Variants in FLG2 observed in about 807,000 individuals in gnomAD.
The protein encoded by FLG2 is filaggrin 2.
FLG2 carries 7 observed loss-of-function variants against 3.9 expected under a neutral mutation model. The observed-to-expected ratio is 1.79, with a 90% CI of 1.02 to 3.36. The LOEUF (loss-of-function observed/expected upper bound fraction) is 3.36. FLG2 is among the 30% of genes most tolerant of loss of function. The pLI, the probability that FLG2 is intolerant of heterozygous loss-of-function variation, is 0.00. For missense variants in FLG2, 2,700 were observed against 2,809.4 expected (o/e 0.96, Z 0.88); for synonymous variants, 1,031 against 1,056.1 (o/e 0.98, Z 0.46).
Position 152,357,661 on chromosome 1 carries a change from A to G in FLG2, c.139-14T>C, listed in dbSNP as rs1383203520. On this transcript the variant is annotated splice_polypyrimidine_tract_variant and intron_variant, in intron 2 of 2. Coordinates refer to ENST00000388718, the MANE Select transcript of FLG2 (RefSeq NM_001014342.3). The stretch of plus-strand genomic sequence containing the variant: ...ATCATCTGGGTTCTGTATATGAGTG[A>G]CACACCAAGGGAGACCTGGTCAGCC... The G allele has an allele frequency of 1.9e-6, 3 of 1,598,612 alleles. No individual in the cohort carries two copies. The highest frequency in any genetic ancestry group is 2.6e-6 in the Non-Finnish European group (3 of 1,170,604).
chr1:152,352,665 G>T lies in FLG2; in HGVS notation c.5121C>A (p.His1707Gln), dbSNP rs1376228145. 1.2e-6 allele frequency: 2 copies of T among 1,613,294 alleles called. No individual in the cohort carries two copies. The highest frequency in any genetic ancestry group is 2.2e-5 in the South Asian group (2 of 91,036). ...GQTGDTTRHA[H>Q]YHHGLTTQTG... is the part of the protein sequence containing the mutation. Reference sequence around the variant, plus strand: ...TCTGTGTGGTTAATCCATGATGATAGTGGGCATGTCTAGTGGTATCTCCTG... The same window carrying T: ...TCTGTGTGGTTAATCCATGATGATATTGGGCATGTCTAGTGGTATCTCCTG... Residue 1707 changes from histidine to glutamine, a missense_variant, in exon 3 of 3, where the codon CAC becomes CAA. By Grantham distance (24) the His-to-Gln change is conservative (BLOSUM62 0). Coordinates refer to ENST00000388718, the MANE Select transcript of FLG2 (RefSeq NM_001014342.3).
chr1:152,359,084 CT>C (rs1192032484), intron 1 of FLG2, among the ~76,000 whole-genome samples, 178 bp from the exon 2 acceptor site: 1 of 152,118 alleles, frequency 6.6e-6, no homozygotes, highest in African/African-American at 2.4e-5. Context: ...ACTTTGTTAA[CT>C]TTGAGTTACT....
At position 152,352,190 on chromosome 1, in the gene FLG2, T is replaced by C. The variant is rs1653967411; in HGVS notation, c.5596A>G (p.Thr1866Ala). 2 of 1,614,002 alleles carry C rather than the reference T, an allele frequency of 1.2e-6. No individual in the cohort carries two copies. Among genetic ancestry groups the C allele is most frequent in the Non-Finnish European group, 1.7e-6 (2 of 1,179,978 alleles). ...CCAGTTGTACTGGATCCTGACTGTGTGGACTGTCCATGACCAGATTGAGAA... is the reference window on the plus strand; with the variant it reads ...CCAGTTGTACTGGATCCTGACTGTGCGGACTGTCCATGACCAGATTGAGAA... ...GHSQSGHGQS[T>A]QSGSSTTGRR... The change falls in exon 3 of 3, where the codon ACA (threonine) becomes GCA (alanine). Residue 1866 changes from threonine (T) to alanine (A), a missense_variant. Thr to Ala is a moderately conservative substitution (Grantham distance 58). Coordinates refer to ENST00000388718, the MANE Select transcript of FLG2 (RefSeq NM_001014342.3).
rs183397787 is a variant in FLG2 at position 152,350,812 on chromosome 1, G to A, written c.6974C>T (p.Ala2325Val). 1.2e-6 allele frequency: 2 copies of A among 1,614,030 alleles called. No homozygotes were observed. The highest frequency in any genetic ancestry group is 1.7e-5 in the Admixed American group (1 of 59,998). The change falls in exon 3 of 3, where the codon GCA (alanine) becomes GTA (valine). Residue 2325 changes from alanine (A) to valine (V), a missense_variant. Physicochemically the swap from Ala to Val is moderately conservative, Grantham distance 64. Coordinates refer to ENST00000388718, the MANE Select transcript of FLG2 (RefSeq NM_001014342.3). ...ACTACTATGTGACTGAAAATGACTT[G>A]CTCTACTAGATCTGGAACCTGTCTG... The part of the protein sequence containing the change: ...STQTGSRSSR[A>V]SHFQSHSSER...
Position 152,353,382 on chromosome 1 carries a change from A to C in FLG2, c.4404T>G (p.Thr1468=). The change falls in exon 3 of 3, where the codon ACT becomes ACG. Residue 1468 remains threonine, a synonymous_variant. Coordinates refer to ENST00000388718, the MANE Select transcript of FLG2 (RefSeq NM_001014342.3). The stretch of plus-strand genomic sequence containing the variant: ...TAGTGGTATCTCCTGTCTGTCCATG[A>C]GTAGTTCCGTGTCTCCCATGAACTG... ...GSTVHGRHGT[T]HGQTGDTTRH... 1 of 1,612,448 alleles carries C rather than the reference A, an allele frequency of 6.2e-7. No individual in the cohort carries two copies. Among genetic ancestry groups the C allele is most frequent in the Non-Finnish European group, 8.5e-7 (1 of 1,179,746 alleles).
In FLG2 at chr1:152,353,848, G is replaced by T. The variant is rs1557897083; in HGVS notation, c.3938C>A (p.Thr1313Asn). The change falls in exon 3 of 3, where the codon ACT becomes AAT. Residue 1313 changes from threonine (T) to asparagine (N), a missense_variant. Transcript: ENST00000388718. ...GGTATCTCCTCTCTGTCCATGAGTAGTTCCTTGTCTTCTGCGAACTGTGGA... is the reference window on the plus strand; with the variant it reads ...GGTATCTCCTCTCTGTCCATGAGTATTTCCTTGTCTTCTGCGAACTGTGGA... ...SGSTVRRRQG[T>N]THGQRGDTTR... 3 of 1,614,052 alleles carry T rather than the reference G, an allele frequency of 1.9e-6. No individual in the cohort carries two copies. The highest frequency in any genetic ancestry group is 2.5e-6 in the Non-Finnish European group (3 of 1,179,906).
rs906932222 is a variant in FLG2 at position 152,354,947 on chromosome 1, C to T, written c.2839G>A (p.Gly947Arg). Residue 947 changes from glycine to arginine, a missense_variant, in exon 3 of 3, where the codon GGA (glycine) becomes AGA (arginine). Gly to Arg is a moderately radical substitution (Grantham distance 125, BLOSUM62 -2). Transcript: ENST00000388718. ...GAGCCTGACCTGTGTTGTCCAAATC[C>T]AAAAGTCTGTCCTGAACTTGACCCA... ...QHGSSSGQTFGFGQHRSGSGQ... is the reference protein window; with the variant it reads ...QHGSSSGQTFRFGQHRSGSGQ... 1 of 1,612,348 alleles carries T rather than the reference C, an allele frequency of 6.2e-7. No individual in the cohort carries two copies. The highest frequency in any genetic ancestry group is 2.2e-5 in the East Asian group (1 of 44,690).
Position 152,357,325 on chromosome 1 carries a change from C to G in FLG2, c.461G>C (p.Arg154Thr). The G allele has an allele frequency of 6.2e-7, 1 of 1,614,170 alleles. No individual in the cohort carries two copies. Among genetic ancestry groups the G allele is most frequent in the South Asian group, 1.1e-5 (1 of 91,080 alleles). The part of the protein sequence containing the change: ...SGHSRGTVKC[R>T]HGSNSRRLGR... ...TAGCCTCCTGGAGTTGGACCCATGT[C>G]TACATTTCACAGTTCCCCTTGAGTG... The change falls in exon 3 of 3, where the codon AGA (arginine) becomes ACA (threonine). Residue 154 changes from arginine (R) to threonine (T), a missense_variant. Physicochemically the swap from Arg to Thr is moderately conservative, Grantham distance 71. Coordinates refer to ENST00000388718, the MANE Select transcript of FLG2 (RefSeq NM_001014342.3).
Position 152,351,139 on chromosome 1 carries a change from T to A in FLG2, c.6647A>T (p.His2216Leu), listed in dbSNP as rs202147715. The part of the protein sequence containing the change: ...SRHGQSGSSG[H>L]GRQGTTHGQT... ...TCCATGAGTAGTTCCCTGTCTCCCA[T>A]GACCTGAGGATCCTGACTGTCCATG... is the stretch of plus-strand genomic sequence containing the variant. The change falls in exon 3 of 3, where the codon CAT becomes CTT. Residue 2216 changes from histidine to leucine, a missense_variant. Transcript: ENST00000388718. 1.9e-5 allele frequency: 31 copies of A among 1,613,914 alleles called. No homozygotes were observed. The Admixed American group carries it at 3.8e-4, about 20-fold the overall frequency.
chr1:152,353,206 G>T lies in FLG2; in HGVS notation c.4580C>A (p.Ser1527Tyr), dbSNP rs1654032027. ...TATGGATTCTGACTCTCCATGTTGAGATCCACTTTGGCCGTGAGTGTGTCC... is the reference window on the plus strand; with the variant it reads ...TATGGATTCTGACTCTCCATGTTGATATCCACTTTGGCCGTGAGTGTGTCC... ...HSGHTHGQSG[S>Y]QHGESESIIH... Residue 1527 changes from serine to tyrosine, a missense_variant, in exon 3 of 3, where the codon TCT becomes TAT. By Grantham distance (144) the Ser-to-Tyr change is moderately radical. Coordinates refer to ENST00000388718, the MANE Select transcript of FLG2 (RefSeq NM_001014342.3). 6.2e-7 allele frequency: 1 copy of T among 1,609,028 alleles called. No homozygotes were observed. Among genetic ancestry groups the T allele is most frequent in the Non-Finnish European group, 8.5e-7 (1 of 1,178,114 alleles).
At chr1:152,359,655 C>T (rs1055995705) in intron 1 of FLG2, among the ~76,000 whole-genome samples, 2 of 152,112 alleles carry the variant, frequency 1.3e-5, no homozygotes, top group African/African-American at 2.4e-5. Context: ...TTGAGCTGGA[C>T]AGCCCAGAAA....
Position 152,355,387 on chromosome 1 carries a change from C to T in FLG2, c.2399G>A (p.Gly800Asp), listed in dbSNP as rs2101679881. The T allele has an allele frequency of 6.2e-7, 1 of 1,613,634 alleles. No individual in the cohort carries two copies. Among genetic ancestry groups the T allele is most frequent in the Middle Eastern group, 1.6e-4 (1 of 6,062 alleles). ...QTSGFGQHGS[G>D]SSQSTGFGQY... ...GCCAAAGCCAGTGGATTGACTTGAG[C>T]CTGACCCATGTTGTCCAAAGCCAGA... Residue 800 changes from glycine to aspartate, a missense_variant, in exon 3 of 3, where the codon GGC becomes GAC. Transcript: ENST00000388718.
intron 1 of FLG2, 89 bp downstream of exon 1, chr1:152,359,867 C>A (rs911981202): frequency 6.6e-6 from 1 of 152,136 alleles, no homozygotes; most frequent in Non-Finnish European, 1.5e-5. Flanking sequence ...GCAAAATATA[C>A]ATGAACTCTG....
In FLG2 at chr1:152,356,978, AACCTGAACAGCTAG is replaced by A. The variant is rs1314070040; in HGVS notation, c.794_807del (p.Ser265PhefsTer14). Reference sequence around the variant, plus strand: ...TGACTTCGCCTCCCACTGTCTCCTGAACCTGAACAGCTAGACCCAAGCTTTTGTTCTCTAATTCT... The same window carrying A: ...TGACTTCGCCTCCCACTGTCTCCTGAACCCAAGCTTTTGTTCTCTAATTCT... On this transcript the variant is annotated frameshift_variant, in exon 3 of 3. Transcript: ENST00000388718. LOFTEE classifies it low-confidence loss of function (END_TRUNC). 3.1e-6 allele frequency: 5 copies of A among 1,614,064 alleles called. No homozygotes were observed. The Admixed American group carries it at 8.3e-5, about 27-fold the overall frequency.
At position 152,349,300 on chromosome 1, in the gene FLG2, C is replaced by G. The variant is rs527488290; in HGVS notation, c.*1310G>C. On this transcript the variant is annotated 3_prime_UTR_variant, in exon 3 of 3. Transcript: ENST00000388718. ...TAGCTAGGATTACAGGTGCCCGCTA[C>G]TGCACCCAGCTAATTTTTGTATTTT... is the stretch of plus-strand genomic sequence containing the variant. 3 of 152,178 alleles carry G rather than the reference C, an allele frequency of 2.0e-5. No homozygotes were observed. The highest frequency in any genetic ancestry group is 4.4e-5 in the Non-Finnish European group (3 of 68,076). The allele number at this position is 152,178 out of a possible 1,614,324, so 9.4% of individuals were successfully genotyped here. A position where few individuals can be genotyped will look rare whatever the true frequency, so the allele number is the denominator to read the frequency against.
chr1:152,352,215 A>C lies in FLG2; in HGVS notation c.5571T>G (p.His1857Gln), dbSNP rs150148447. ...THGQTGDTSG[H>Q]SQSGHGQSTQ... ...TGGACTGTCCATGACCAGATTGAGA[A>C]TGTCCACTGGTATCTCCTGTCTGTC... Residue 1857 changes from histidine to glutamine, a missense_variant, in exon 3 of 3, where the codon CAT becomes CAG. By Grantham distance (24) the His-to-Gln change is conservative (BLOSUM62 0). Transcript: ENST00000388718. 35 of 1,613,406 alleles carry C rather than the reference A, an allele frequency of 2.2e-5. No homozygotes were observed. Among genetic ancestry groups the C allele is most frequent in the Non-Finnish European group, 2.9e-5 (34 of 1,179,886 alleles).
chr1:152,355,313 A>T lies in FLG2; in HGVS notation c.2473T>A (p.Ser825Thr), dbSNP rs34755475. Residue 825 changes from serine to threonine, a missense_variant, in exon 3 of 3, where the codon TCT becomes ACT. By Grantham distance (58) the Ser-to-Thr change is moderately conservative (BLOSUM62 1). Transcript: ENST00000388718. ...AAGCCAGAGGATTGTCCTGAGCCAG[A>T]CCCATGTTGTCCAAAGCCAGCGGAC... ...GQSAGFGQHG[S>T]GSGQSSGFGQ... is the part of the protein sequence containing the mutation. 2 of 1,610,780 alleles carry T rather than the reference A, an allele frequency of 1.2e-6. No individual in the cohort carries two copies. The highest frequency in any genetic ancestry group is 1.4e-5 in the African/African-American group (1 of 73,496).
In FLG2 at chr1:152,355,521, G is replaced by T. The variant is rs143225970; in HGVS notation, c.2265C>A (p.Ser755=). ...TAGACTCATGTTGTCCAAAGCCAGA[G>T]GATTGTCCTGAGCCAGACCCATGTT... The part of the protein sequence containing the change: ...FGQHGSGSGQ[S]SGFGQHESRS... The change falls in exon 3 of 3, where the codon TCC becomes TCA. Residue 755 remains serine (S), a synonymous_variant. Transcript: ENST00000388718. 4.5e-4 allele frequency: 727 copies of T among 1,613,354 alleles called. No individual in the cohort carries two copies. Among genetic ancestry groups the T allele is most frequent in the Non-Finnish European group, 5.9e-4 (699 of 1,179,950 alleles).
rs1653905097 is a variant in FLG2 at position 152,351,248 on chromosome 1, G to T, written c.6538C>A (p.His2180Asn). 15 of 1,613,230 alleles carry T rather than the reference G, an allele frequency of 9.3e-6. No homozygotes were observed. Among genetic ancestry groups the T allele is most frequent in the Non-Finnish European group, 1.2e-5 (14 of 1,179,844 alleles). Residue 2180 changes from histidine (H) to asparagine (N), a missense_variant, in exon 3 of 3, where the codon CAC becomes AAC. By Grantham distance (68) the His-to-Asn change is moderately conservative. Transcript: ENST00000388718. ...SRTTGRQRSS[H>N]SESSDSEVHS... ...ACTTCACTATCACTGGACTCACTGT[G>T]ACTAGATCTTTGTCTTCCAGTTGTC... is the stretch of plus-strand genomic sequence containing the variant.
Sources: allele counts gnomAD v4.1 joint callset (sites outside exome capture counted in the v4.1 genomes callset), GRCh38; gene constraint gnomAD v4.1.1; transcripts MANE v1.5; gene names NCBI Gene and HGNC (gene_info 2026-07-23, HGNC 2026-07-21).